DDAH1: variants seen among roughly 807,000 people sequenced by gnomAD.
DDAH1 encodes the protein N(G),N(G)-dimethylarginine dimethylaminohydrolase 1.
A neutral mutation model predicts 28.8 loss-of-function variants in DDAH1; 19 were observed. That is an observed-to-expected ratio of 0.66 (90% CI 0.46 to 0.97). DDAH1 has a LOEUF of 0.97. Ranked by LOEUF, DDAH1 falls within the 50% of genes least tolerant of loss-of-function variation. DDAH1 has a pLI of 0.00. For synonymous variants in DDAH1, 153 were observed against 154.4 expected, an observed-to-expected ratio of 0.99 and a Z score of 0.07; for missense variants, 326 against 375.9, an observed-to-expected ratio of 0.87 and a Z score of 1.10.
chr1:85,416,288 C>T (rs561650454), intron 1 of DDAH1, among the ~76,000 whole-genome samples: 22 of 152,004 alleles, frequency 1.4e-4, no homozygotes, highest in East Asian at 7.7e-4. Context: ...GTCTCACTCC[C>T]GGGTTCAAGC....
At chr1:85,388,965 T>A (rs1055134318) in intron 1 of DDAH1, among the ~76,000 whole-genome samples, 1 of 152,176 alleles carries the variant, frequency 6.6e-6, no homozygotes, top group Non-Finnish European at 1.5e-5. Context: ...TTGGTTCAAA[T>A]CCTTTTTCTG....
At chr1:85,559,693 G>T (rs1659086380) in intron 1 of DDAH1, among the ~76,000 whole-genome samples, 1 of 151,918 alleles carries the variant, frequency 6.6e-6, no homozygotes, top group South Asian at 2.1e-4. Context: ...CTAAAATAAA[G>T]ATTTCACTGG....
intron 1 of DDAH1, among the ~76,000 whole-genome samples, chr1:85,572,460 C>G (rs74461724): frequency 0.038 from 5,847 of 152,250 alleles, 409 homozygotes; most frequent in African/African-American, 0.13. Context: ...TCTACCTTAA[C>G]AACCCTGCCC....
intron 4 of DDAH1, among the ~76,000 whole-genome samples, chr1:85,335,631 A>G (rs571993918): frequency 7.6e-4 from 115 of 152,308 alleles, no homozygotes; most frequent in Non-Finnish European, 1.2e-3. Context: ...TTCTAAATAC[A>G]TATGCACCCA....
intron 1 of DDAH1, among the ~76,000 whole-genome samples, chr1:85,382,580 T>C (rs1393417726): frequency 2.0e-5 from 3 of 152,218 alleles, no homozygotes; most frequent in Admixed American, 6.5e-5. Context: ...TTGATGAAGA[T>C]GGTTATACTA....
intron 2 of DDAH1, among the ~76,000 whole-genome samples, chr1:85,484,158 T>C (rs570736861): frequency 1.3e-5 from 2 of 152,268 alleles, no homozygotes; most frequent in South Asian, 4.1e-4. Context: ...GGAAGAATAC[T>C]GGCGGCAAGT....
chr1:85,577,953 A>G (rs570715486), intron 1 of DDAH1: 306 of 985,360 alleles, frequency 3.1e-4, no homozygotes, highest in South Asian at 7.0e-4. Flanking sequence ...CAAAAGAGCC[A>G]TACAGAATTA....
chr1:85,381,290 G>GT (rs1650973601), intron 1 of DDAH1, among the ~76,000 whole-genome samples: 1 of 149,052 alleles, frequency 6.7e-6, no homozygotes, highest in Non-Finnish European at 1.5e-5. Context: ...GTGTTTTTTT[G>GT]TTTTTTGTTT....
At chr1:85,348,438 C>T (rs1037013582) in intron 4 of DDAH1, among the ~76,000 whole-genome samples, 1 of 152,190 alleles carries the variant, frequency 6.6e-6, no homozygotes, top group African/African-American at 2.4e-5. Flanking sequence ...TTGTCTTCCT[C>T]ACTGTTAAGT....
chr1:85,571,079 G>C (rs1659440582), intron 1 of DDAH1, among the ~76,000 whole-genome samples: 1 of 152,150 alleles, frequency 6.6e-6, no homozygotes, highest in African/African-American at 2.4e-5. Context: ...CCTAAGCTTA[G>C]AAAGATGTCA....
At chr1:85,417,303 T>C (rs1652929561) in intron 1 of DDAH1, among the ~76,000 whole-genome samples, 1 of 151,112 alleles carries the variant, frequency 6.6e-6, no homozygotes, top group Non-Finnish European at 1.5e-5. Flanking sequence ...CTGTGCTGGG[T>C]GAGTGGGAAC....
rs149523113 is a variant in DDAH1 at position 85,484,047 on chromosome 1, G to A, written c.-7+12119C>T. Among the ~76,000 whole-genome samples the A allele has an allele frequency of 4.9e-4, 75 of 152,138 alleles. 3 individuals carry two copies. The East Asian group carries it at 0.014, about 29-fold the overall frequency. Reference sequence around the variant, plus strand: ...TTTAAAGAATATCAAGAAGTATGTGGGTCATCTAGGTAGAAGTAATATCAA... The same window carrying A: ...TTTAAAGAATATCAAGAAGTATGTGAGTCATCTAGGTAGAAGTAATATCAA... On this transcript the variant is annotated intron_variant, in intron 2 of 6. Coordinates refer to the DDAH1 transcript ENST00000426972.
chr1:85,401,501 C>CTTTT (rs34520534), intron 1 of DDAH1, among the ~76,000 whole-genome samples: 2 of 103,364 alleles, frequency 1.9e-5, no homozygotes, highest in Admixed American at 1.0e-4. Flanking sequence ...TTTTTTCTTT[C>CTTTT]TTTTTTTTTT....
intron 1 of DDAH1, among the ~76,000 whole-genome samples, chr1:85,447,569 AAT>A (rs1233293916): frequency 6.6e-6 from 1 of 152,168 alleles, no homozygotes; most frequent in Non-Finnish European, 1.5e-5. Context: ...TTCTTGCAGG[AAT>A]ATGTTTCAGT....
intron 1 of DDAH1, among the ~76,000 whole-genome samples, chr1:85,527,612 C>T (rs1409063199): frequency 6.6e-6 from 1 of 152,182 alleles, no homozygotes; most frequent in Non-Finnish European, 1.5e-5. Flanking sequence ...CTGTGCATCA[C>T]ACAGACTGTC....
intron 4 of DDAH1, among the ~76,000 whole-genome samples, chr1:85,349,091 A>G (rs1649040707): frequency 6.6e-6 from 1 of 152,242 alleles, no homozygotes; most frequent in African/African-American, 2.4e-5. Flanking sequence ...ACCATTTATC[A>G]AATGTTTTCT....
chr1:85,577,477 G>GAC lies in DDAH1; in HGVS notation c.-123+505_-123+506dup, dbSNP rs1338458868. Among the ~76,000 whole-genome samples the GAC allele has an allele frequency of 9.2e-5, 14 of 152,036 alleles. No homozygotes were observed. The East Asian group carries it at 1.7e-3, about 19-fold the overall frequency. On this transcript the variant is annotated intron_variant, in intron 1 of 6. Transcript: ENST00000426972. The stretch of plus-strand genomic sequence containing the variant: ...GGGTGTGCAGCCGAGGATCTATGAA[G>GAC]ACACACACACACACCCCTACTACAG...
chr1:85,500,894 A>T (rs906114316), intron 1 of DDAH1, among the ~76,000 whole-genome samples: 2 of 149,158 alleles, frequency 1.3e-5, no homozygotes, highest in East Asian at 2.0e-4. Flanking sequence ...TAGGTGTTAC[A>T]TTTTTCAGTT....
intron 4 of DDAH1, among the ~76,000 whole-genome samples, chr1:85,339,856 C>T (rs986983896): frequency 3.3e-5 from 5 of 152,182 alleles, no homozygotes; most frequent in African/African-American, 1.2e-4. Flanking sequence ...TCCAGCTCAA[C>T]TGACAACGTT....
Sources: allele counts gnomAD v4.1 joint callset (sites outside exome capture counted in the v4.1 genomes callset), GRCh38; gene constraint gnomAD v4.1.1; transcripts MANE v1.5; gene names NCBI Gene and HGNC (gene_info 2026-07-23, HGNC 2026-07-21).